The following DLG2 variants were observed in gnomAD, a reference collection of about 807,000 sequenced individuals.
DLG2 encodes the protein discs large MAGUK scaffold protein 2, also known as disks large homolog 2.
DLG2 carries 45 observed loss-of-function variants against 132.5 expected under a neutral mutation model. That is an observed-to-expected ratio of 0.34 (90% CI 0.27 to 0.44). The LOEUF (loss-of-function observed/expected upper bound fraction) is 0.44. Ranked by LOEUF, DLG2 falls within the 20% of genes least tolerant of loss-of-function variation. The pLI, the probability that DLG2 is intolerant of heterozygous loss-of-function variation, is 1.00. For missense variants in DLG2, 1,045 were observed against 1,196.9 expected (o/e 0.87, Z 1.87); for synonymous variants, 424 against 419.6 (o/e 1.01, Z -0.13).
At chr11:85,187,161 C>T (rs1373186356) in intron 4 of DLG2, among the ~76,000 whole-genome samples, 1 of 152,078 alleles carries the variant, frequency 6.6e-6, no homozygotes, top group African/African-American at 2.4e-5. Flanking sequence ...ATTACTAAAA[C>T]ACTGGCCCAG....
chr11:83,894,405 G>A (rs2070941024), intron 15 of DLG2, among the ~76,000 whole-genome samples: 1 of 152,086 alleles, frequency 6.6e-6, no homozygotes, highest in Admixed American at 6.5e-5. Flanking sequence ...TTTCACCCTA[G>A]CCTAGAAGTT....
intron 6 of DLG2, among the ~76,000 whole-genome samples, chr11:84,593,323 T>C (rs1038082759): frequency 6.6e-6 from 1 of 152,116 alleles, no homozygotes; most frequent in African/African-American, 2.4e-5. Flanking sequence ...TAAATCATTC[T>C]ACTATGAAGA....
At chr11:84,841,437 T>C (rs1268769997) in intron 6 of DLG2, among the ~76,000 whole-genome samples, 1 of 152,052 alleles carries the variant, frequency 6.6e-6, no homozygotes, top group East Asian at 1.9e-4. Context: ...AAATTCTTAA[T>C]TGAAAAATCA....
In DLG2 at chr11:84,489,887, T is replaced by C. The variant is rs79211013; in HGVS notation, c.519+44683A>G. On this transcript the variant is annotated intron_variant, in intron 7 of 27. Coordinates refer to ENST00000376104, the MANE Select transcript of DLG2 (RefSeq NM_001142699.3). ...GAGGACTATAAGAAAGAAGATGATATGGTAGAGGAGAAATAGGGAAGAAAA... is the reference window on the plus strand; with the variant it reads ...GAGGACTATAAGAAAGAAGATGATACGGTAGAGGAGAAATAGGGAAGAAAA... 6.6e-5 allele frequency among the ~76,000 whole-genome samples: 10 copies of C among 151,080 alleles called. No individual in the cohort carries two copies. In the East Asian group the frequency reaches 1.2e-3, roughly 18 times the overall value.
At chr11:85,268,209 C>T (rs1196399581) in intron 4 of DLG2, among the ~76,000 whole-genome samples, 2 of 152,074 alleles carry the variant, frequency 1.3e-5, no homozygotes, top group African/African-American at 2.4e-5. Context: ...AACTGCTCAG[C>T]GAAAATCTAC....
chr11:84,083,260 A>G (rs1405461762), intron 10 of DLG2, among the ~76,000 whole-genome samples: 1 of 152,222 alleles, frequency 6.6e-6, no homozygotes, highest in Non-Finnish European at 1.5e-5. Flanking sequence ...AGCCTGGGCA[A>G]CAGAGCAAGA....
chr11:83,480,315 C>T, intron 22 of DLG2: 1 of 1,362,510 alleles, frequency 7.3e-7, no homozygotes, highest in Non-Finnish European at 1.0e-6. Context: ...GAAATGACCA[C>T]CACAGGCAAT....
intron 7 of DLG2, among the ~76,000 whole-genome samples, chr11:84,525,322 TC>T (rs1320064170): frequency 6.6e-6 from 1 of 152,144 alleles, no homozygotes; most frequent in Non-Finnish European, 1.5e-5. Context: ...TCCCACTCCC[TC>T]CCCTGCCATT....
intron 11 of DLG2, among the ~76,000 whole-genome samples, chr11:84,008,556 G>T (rs1353748662): frequency 6.6e-6 from 1 of 151,708 alleles, no homozygotes; most frequent in Admixed American, 6.6e-5. Flanking sequence ...ATCATCAAAT[G>T]CTTTTAATAA....
At chr11:85,577,199 A>C (rs2078208266) in intron 3 of DLG2, among the ~76,000 whole-genome samples, 1 of 152,208 alleles carries the variant, frequency 6.6e-6, no homozygotes, top group Non-Finnish European at 1.5e-5. Flanking sequence ...TCTGTATGCT[A>C]TGCAGAGAAC....
chr11:83,716,724 G>A (rs1456975124), intron 18 of DLG2, among the ~76,000 whole-genome samples: 1 of 151,716 alleles, frequency 6.6e-6, no homozygotes, highest in Non-Finnish European at 1.5e-5. Flanking sequence ...TTTTTTTCTC[G>A]ATTCTACTTC....
chr11:85,284,343 T>C (rs1443305854), intron 4 of DLG2, among the ~76,000 whole-genome samples: 1 of 151,886 alleles, frequency 6.6e-6, no homozygotes, highest in Non-Finnish European at 1.5e-5. Context: ...AAATCAGCTC[T>C]GAGCAGGACA....
intron 18 of DLG2, among the ~76,000 whole-genome samples, chr11:83,719,107 G>C (rs1042024548): frequency 6.6e-6 from 1 of 152,204 alleles, no homozygotes; most frequent in Non-Finnish European, 1.5e-5. Context: ...AGAACTGAGA[G>C]CCATGGCCCA....
At chr11:83,952,675 T>C (rs1372175048) in intron 14 of DLG2, among the ~76,000 whole-genome samples, 1 of 137,736 alleles carries the variant, frequency 7.3e-6, no homozygotes, top group Non-Finnish European at 1.6e-5. Context: ...CAAGATATAA[T>C]GCTAAAGCAA....
At chr11:83,954,709 T>A (rs2086366586) in intron 14 of DLG2, among the ~76,000 whole-genome samples, 1 of 152,198 alleles carries the variant, frequency 6.6e-6, no homozygotes. Context: ...CACTATGAAT[T>A]TTTTAAAAGG....
intron 7 of DLG2, among the ~76,000 whole-genome samples, chr11:84,527,500 G>A (rs1358523776): frequency 1.3e-5 from 2 of 152,054 alleles, no homozygotes; most frequent in Admixed American, 6.5e-5. Flanking sequence ...TTGTCTCAGG[G>A]TATTGAAGTT....
intron 6 of DLG2, among the ~76,000 whole-genome samples, chr11:84,812,708 T>C (rs1414509438): frequency 6.6e-6 from 1 of 152,158 alleles, no homozygotes. Context: ...TAAAACAACA[T>C]TGACTTTTAA....
intron 6 of DLG2, among the ~76,000 whole-genome samples, chr11:84,660,781 C>T (rs1199441074): frequency 6.6e-6 from 1 of 152,154 alleles, no homozygotes; most frequent in South Asian, 2.1e-4. Flanking sequence ...AGGAAGTACA[C>T]TGCAAATGCA....
chr11:84,983,300 G>A (rs550186329), intron 6 of DLG2, among the ~76,000 whole-genome samples: 10 of 152,234 alleles, frequency 6.6e-5, no homozygotes, highest in Admixed American at 3.3e-4. Context: ...ACCCACAGAC[G>A]GTTCACATCA....
Sources: gnomAD v4.1 joint callset for allele counts (sites outside exome capture counted in the v4.1 genomes callset) on GRCh38, gnomAD v4.1.1 for gene constraint, MANE v1.5 for transcripts, NCBI Gene and HGNC (gene_info 2026-07-23, HGNC 2026-07-21) for gene names.